UBE2R2: variants seen among roughly 807,000 people sequenced by gnomAD.
UBE2R2 encodes ubiquitin conjugating enzyme E2 R2.
UBE2R2 carries 1 observed loss-of-function variant against 27.8 expected under a neutral mutation model. The observed-to-expected ratio is 0.04, with a 90% CI of 0.01 to 0.17. UBE2R2 has a LOEUF of 0.17. Among genes scored for constraint, UBE2R2 ranks in the 10% least tolerant of loss-of-function variants. The probability of loss-of-function intolerance (pLI) is 1.00; values close to 1 mark genes in which losing one functional copy is unlikely to be tolerated. For missense variants in UBE2R2, 100 were observed against 291.0 expected (o/e 0.34, Z 4.78); for synonymous variants, 106 against 113.3 (o/e 0.94, Z 0.41).
chr9:33,816,182 C>CA (rs1423711573), upstream of UBE2R2, among the ~76,000 whole-genome samples: 1 of 151,442 alleles, frequency 6.6e-6, no homozygotes, highest in Admixed American at 6.6e-5. Flanking sequence ...GTAGAACTCT[C>CA]ACAATATTCT....
intron 3 of UBE2R2, among the ~76,000 whole-genome samples, chr9:33,911,616 G>T (rs1822493038): frequency 6.6e-6 from 1 of 151,930 alleles, no homozygotes. Flanking sequence ...TTGAAACAGG[G>T]CCTTCTATCA....
intron 3 of UBE2R2, among the ~76,000 whole-genome samples, chr9:33,911,425 A>C (rs1044300262): frequency 8.9e-4 from 132 of 148,362 alleles, no homozygotes; most frequent in African/African-American, 3.2e-3. Context: ...AAAAAAAAAA[A>C]AAAAAAAAAA....
At chr9:33,815,881 C>T (rs1454484279), upstream of UBE2R2, among the ~76,000 whole-genome samples, 2 of 152,160 alleles carry the variant, frequency 1.3e-5, no homozygotes, top group Non-Finnish European at 2.9e-5. Flanking sequence ...ATTACAATTG[C>T]TTGTGTTGGG....
intron 2 of UBE2R2, among the ~76,000 whole-genome samples, chr9:33,897,320 CTTTT>C (rs36097436): frequency 7.1e-6 from 1 of 140,166 alleles, no homozygotes; most frequent in Admixed American, 7.2e-5. Context: ...CAGAAAAACT[CTTTT>C]TTTTTTTTGG....
intron 1 of UBE2R2, among the ~76,000 whole-genome samples, chr9:33,864,965 CTG>C (rs1261196830): frequency 3.9e-5 from 6 of 152,044 alleles, no homozygotes; most frequent in African/African-American, 9.7e-5. Flanking sequence ...CTCAGGTGAT[CTG>C]CCCACCTTGG....
At chr9:33,832,774 C>T (rs1282234491) in intron 1 of UBE2R2, among the ~76,000 whole-genome samples, 1 of 150,656 alleles carries the variant, frequency 6.6e-6, no homozygotes, top group African/African-American at 2.4e-5. Flanking sequence ...TAATTAAATT[C>T]TATTATAGTT....
At chr9:33,909,588 G>A (rs1822441142) in intron 3 of UBE2R2, among the ~76,000 whole-genome samples, 1 of 152,246 alleles carries the variant, frequency 6.6e-6, no homozygotes, top group East Asian at 1.9e-4. Flanking sequence ...CAGGAATATT[G>A]CTTGAGCCCA....
At chr9:33,865,759 G>A (rs1821347078) in intron 1 of UBE2R2, among the ~76,000 whole-genome samples, 1 of 151,242 alleles carries the variant, frequency 6.6e-6, no homozygotes, top group African/African-American at 2.4e-5. Flanking sequence ...CACATGTAGT[G>A]TAGTGTTTTG....
intron 1 of UBE2R2, among the ~76,000 whole-genome samples, chr9:33,878,376 G>A (rs994978118): frequency 8.5e-5 from 13 of 152,176 alleles, no homozygotes; most frequent in African/African-American, 3.1e-4. Flanking sequence ...AGCATTTAGA[G>A]AGGCTGAGGC....
Position 33,917,562 on chromosome 9 carries a change from T to A in UBE2R2, c.*325T>A, listed in dbSNP as rs969019781. The A allele has an allele frequency of 2.0e-6, 1 of 493,258 alleles. No individual in the cohort carries two copies. Among genetic ancestry groups the A allele is most frequent in the Non-Finnish European group, 3.5e-6 (1 of 283,442 alleles). 30.6% of individuals were successfully genotyped at this position (493,258 alleles called of 1,614,324 possible). A position where few individuals can be genotyped will look rare whatever the true frequency, so the allele number is the denominator to read the frequency against. On this transcript the variant is annotated 3_prime_UTR_variant, in exon 5 of 5. Transcript: ENST00000263228. Reference sequence around the variant, plus strand: ...AATGTTCACAGCAAAACACGTTTGGTCTGTTTTTAGATTCTTGAAGAATTC... The same window carrying A: ...AATGTTCACAGCAAAACACGTTTGGACTGTTTTTAGATTCTTGAAGAATTC...
Position 33,827,271 on chromosome 9 carries a change from G to T in UBE2R2, c.177+9337G>T, listed in dbSNP as rs1017264029. 3.3e-5 allele frequency among the ~76,000 whole-genome samples: 5 copies of T among 152,192 alleles called. No individual in the cohort carries two copies. The East Asian group carries it at 9.6e-4, about 29-fold the overall frequency. ...TTGAGCCTGGGAGGTCGAGGCTTCA[G>T]TGAGCCATGAGCATGCCATTGTACT... On this transcript the variant is annotated intron_variant, in intron 1 of 4. Transcript: ENST00000263228.
intron 1 of UBE2R2, among the ~76,000 whole-genome samples, chr9:33,843,324 C>T (rs960846244): frequency 1.3e-5 from 2 of 151,582 alleles, no homozygotes; most frequent in Non-Finnish European, 2.9e-5. Flanking sequence ...GCTGGGATTA[C>T]AGGTGTGAGC....
intron 1 of UBE2R2, among the ~76,000 whole-genome samples, chr9:33,826,016 G>A (rs957481977): frequency 1.3e-5 from 2 of 152,034 alleles, no homozygotes; most frequent in Non-Finnish European, 2.9e-5. Flanking sequence ...GGTGGCATGC[G>A]CCTGTAGTCC....
intron 1 of UBE2R2, among the ~76,000 whole-genome samples, chr9:33,850,072 G>A (rs1047228007): frequency 2.0e-5 from 3 of 152,108 alleles, no homozygotes; most frequent in African/African-American, 7.2e-5. Context: ...AATTTGTCAG[G>A]CAGTTGTTTG....
At chr9:33,826,246 A>G (rs1820313072) in intron 1 of UBE2R2, among the ~76,000 whole-genome samples, 1 of 152,068 alleles carries the variant, frequency 6.6e-6, no homozygotes, top group Non-Finnish European at 1.5e-5. Flanking sequence ...TTATTCAGAG[A>G]TTATGCTTAT....
intron 2 of UBE2R2, among the ~76,000 whole-genome samples, chr9:33,888,442 T>G (rs1055886191): frequency 2.0e-5 from 3 of 152,166 alleles, no homozygotes; most frequent in Admixed American, 6.5e-5. Flanking sequence ...CATCAGTTCT[T>G]TTTTTTGGCC....
chr9:33,897,747 A>G (rs931403482), intron 2 of UBE2R2, among the ~76,000 whole-genome samples: 1 of 151,736 alleles, frequency 6.6e-6, no homozygotes, highest in Non-Finnish European at 1.5e-5. Flanking sequence ...TCACTGCCCA[A>G]ATATACCAAG....
intron 1 of UBE2R2, among the ~76,000 whole-genome samples, chr9:33,860,774 G>A (rs960137613): frequency 6.6e-6 from 1 of 151,822 alleles, no homozygotes; most frequent in Non-Finnish European, 1.5e-5. Context: ...GTGGTGGCCT[G>A]TAGCCCTAGC....
At chr9:33,823,891 C>T (rs1166267798) in intron 1 of UBE2R2, among the ~76,000 whole-genome samples, 3 of 152,098 alleles carry the variant, frequency 2.0e-5, no homozygotes, top group East Asian at 3.9e-4. Flanking sequence ...AATTATAAAA[C>T]GAATGCTCTT....
Sources: allele counts gnomAD v4.1 joint callset (sites outside exome capture counted in the v4.1 genomes callset), GRCh38; gene constraint gnomAD v4.1.1; transcripts MANE v1.5; gene names NCBI Gene and HGNC (gene_info 2026-07-23, HGNC 2026-07-21).